The following SETD2 variants were observed in gnomAD, a reference collection of about 807,000 sequenced individuals.
The protein encoded by SETD2 is histone-lysine N-methyltransferase SETD2.
SETD2 carries 31 observed loss-of-function variants against 242.1 expected under a neutral mutation model. The ratio of observed to expected loss-of-function variants is 0.13; its 90% CI spans 0.10 to 0.17. The LOEUF (loss-of-function observed/expected upper bound fraction) is 0.17. Ranked by LOEUF, SETD2 falls within the 10% of genes least tolerant of loss-of-function variation. The pLI is 1.00. For missense variants in SETD2, 2,481 were observed against 3,046.3 expected (o/e 0.81, Z 4.37); for synonymous variants, 1,006 against 1,066.5 (o/e 0.94, Z 1.11).
chr3:47,078,700 G>A (rs2041201363), intron 12 of SETD2, among the ~76,000 whole-genome samples: 1 of 151,590 alleles, frequency 6.6e-6, no homozygotes, highest in African/African-American at 2.4e-5. Context: ...CAATATCCAG[G>A]GGCATCATAT....
rs1165214835 is a variant in SETD2 at position 47,121,004 on chromosome 3, T to C, written c.3632A>G (p.Asp1211Gly). The C allele has an allele frequency of 5.6e-6, 9 of 1,614,104 alleles. No individual in the cohort carries two copies. Among genetic ancestry groups the C allele is most frequent in the African/African-American group, 2.7e-5 (2 of 74,934 alleles). Residue 1211 changes from aspartate to glycine, a missense_variant, in exon 3 of 21, where the codon GAT becomes GGT. Around this residue, in one of 17 missense-constraint regions of SETD2, gnomAD observed 1,300 missense variants for 1,259.2 expected, o/e 1.03. Transcript: ENST00000409792. ...ELPIYSSDFE[D>G]VPNKSWQQTT... ...CTGTTGCCAAGACTTATTTGGGACA[T>C]CTTCAAAATCAGAAGAATAAATTGG...
In SETD2 at chr3:47,123,688, G is replaced by T; in HGVS notation, c.948C>A (p.Gly316=). ...CATCAGATTCTGAACCAAGAAAGAT[G>T]CCTTCAGATTGTGAGGATTTCTTCT... ...GSKKKSSQSE[G]IFLGSESDED... The change falls in exon 3 of 21, where the codon GGC becomes GGA. Residue 316 remains glycine (G), a synonymous_variant. Coordinates refer to ENST00000409792, the MANE Select transcript of SETD2 (RefSeq NM_014159.7). 6.4e-7 allele frequency: 1 copy of T among 1,551,222 alleles called. No individual in the cohort carries two copies. The highest frequency in any genetic ancestry group is 2.4e-5 in the East Asian group (1 of 40,906).
In SETD2 at chr3:47,080,175, T is replaced by G. The variant is rs149470529; in HGVS notation, c.6060+3545A>C. On this transcript the variant is annotated intron_variant, in intron 12 of 20. Transcript: ENST00000409792. ...TTCATAGAGAGTTTTAATACATAGCTTTCTAGGGAAATACTTGATTTGCTG... is the reference window on the plus strand; with the variant it reads ...TTCATAGAGAGTTTTAATACATAGCGTTCTAGGGAAATACTTGATTTGCTG... Among the ~76,000 whole-genome samples the G allele has an allele frequency of 2.0e-5, 3 of 152,340 alleles. No homozygotes were observed. In the East Asian group the frequency reaches 5.8e-4, roughly 29 times the overall value.
At chr3:47,081,177 CCT>C (rs1311864805) in intron 12 of SETD2, 1 of 687,730 alleles carries the variant, frequency 1.5e-6, no homozygotes, top group African/African-American at 1.9e-5. Flanking sequence ...TCCCTCCCAC[CCT>C]CTTTCATTTA....
At chr3:47,108,766 G>A (rs1370378966) in intron 5 of SETD2, among the ~76,000 whole-genome samples, 1 of 152,188 alleles carries the variant, frequency 6.6e-6, no homozygotes, top group Non-Finnish European at 1.5e-5. Flanking sequence ...TGTAGGAAGA[G>A]TGGCTAGACC....
In SETD2 at chr3:47,123,429, T is replaced by G; in HGVS notation, c.1207A>C (p.Ser403Arg). 1.3e-6 allele frequency: 2 copies of G among 1,551,642 alleles called. No homozygotes were observed. Among genetic ancestry groups the G allele is most frequent in the Non-Finnish European group, 8.7e-7 (1 of 1,146,972 alleles). ...RCRSERERRR[S>R]RSHSRSERGS... ...CTCTCAGACCTAGAGTGAGATCTGC[T>G]CCGCCGTCGCTCTCTTTCTGATCTA... Residue 403 changes from serine (S) to arginine (R), a missense_variant, in exon 3 of 21, where the codon AGC becomes CGC. By Grantham distance (110) the Ser-to-Arg change is moderately radical. This residue lies in a region of SETD2 where 1,300 missense variants were observed against 1,259.2 expected (regional missense o/e 1.03). Coordinates refer to ENST00000409792, the MANE Select transcript of SETD2 (RefSeq NM_014159.7).
chr3:47,126,262 T>C (rs1410129031), intron 2 of SETD2, among the ~76,000 whole-genome samples: 2 of 152,204 alleles, frequency 1.3e-5, no homozygotes, highest in East Asian at 3.8e-4. Context: ...CCTCAAGTGA[T>C]CCACCTGCCT....
At chr3:47,041,840 A>T (rs1343524890) in intron 17 of SETD2, among the ~76,000 whole-genome samples, 1 of 152,210 alleles carries the variant, frequency 6.6e-6, no homozygotes, top group Non-Finnish European at 1.5e-5. Context: ...AGGATAAACA[A>T]TCTAGCTATT....
intron 14 of SETD2, among the ~76,000 whole-genome samples, chr3:47,061,714 TA>T (rs1166094169): frequency 2.0e-5 from 3 of 152,210 alleles, no homozygotes; most frequent in Admixed American, 1.3e-4. Flanking sequence ...TAGCCTCCAG[TA>T]AACGATTACA....
intron 1 of SETD2, among the ~76,000 whole-genome samples, chr3:47,134,764 T>C (rs966383604): frequency 2.0e-5 from 3 of 152,046 alleles, no homozygotes. Context: ...GCTGGGATTA[T>C]AGGCATGTGC....
At chr3:47,086,902 T>C (rs571286969) in intron 10 of SETD2, among the ~76,000 whole-genome samples, 2 of 151,914 alleles carry the variant, frequency 1.3e-5, no homozygotes, top group African/African-American at 4.8e-5. Context: ...TAGCTGGATG[T>C]GGTGGTGTGT....
chr3:47,083,313 AGCT>A (rs2041395538), intron 12 of SETD2, among the ~76,000 whole-genome samples: 1 of 152,242 alleles, frequency 6.6e-6, no homozygotes, highest in South Asian at 2.1e-4. Flanking sequence ...ATTTTTAGTA[AGCT>A]GCTAAATTAT....
rs202016239 is a variant in SETD2, at chr3:47,123,284, G to A, written c.1352C>T (p.Thr451Ile). 3.9e-6 allele frequency: 6 copies of A among 1,552,100 alleles called. No individual in the cohort carries two copies. Among genetic ancestry groups the A allele is most frequent in the East Asian group, 4.9e-5 (2 of 40,916 alleles). Residue 451 changes from threonine (T) to isoleucine (I), a missense_variant, in exon 3 of 21, where the codon ACA becomes ATA. By Grantham distance (89) the Thr-to-Ile change is moderately conservative (BLOSUM62 -1). Around this residue, in one of 17 missense-constraint regions of SETD2, gnomAD observed 1,300 missense variants for 1,259.2 expected, o/e 1.03. Coordinates refer to ENST00000409792, the MANE Select transcript of SETD2 (RefSeq NM_014159.7). ...AGAACTCTCTCGTGCTCTGTTATCTGTGTATGGCCGAGAATAGCGCGTCCT... is the reference window on the plus strand; with the variant it reads ...AGAACTCTCTCGTGCTCTGTTATCTATGTATGGCCGAGAATAGCGCGTCCT... ...RERTRYSRPY[T>I]DNRARESSDS...
chr3:47,093,449 A>G (rs1486103353), intron 9 of SETD2, among the ~76,000 whole-genome samples: 3 of 151,794 alleles, frequency 2.0e-5, no homozygotes, highest in Non-Finnish European at 4.4e-5. Context: ...ACACTTGGCT[A>G]ATTTTTGTAT....
At chr3:47,037,884 A>C (rs1174086748) in intron 17 of SETD2, 107 bp from the exon 18 acceptor site, 1 of 777,842 alleles carries the variant, frequency 1.3e-6, no homozygotes, top group East Asian at 2.6e-5. Context: ...AATAAGACAT[A>C]GAATAAGTCA....
rs1006981047 is a variant in SETD2 at position 47,017,313 on chromosome 3, G to T, written c.7534-59C>A. ...CCAATCAGAGCAGAAATTATATGAG[G>T]GGGAGGACAGGGGTGGTAATCCAGC... On this transcript the variant is annotated intron_variant, in intron 20 of 20. Coordinates refer to ENST00000409792, the MANE Select transcript of SETD2 (RefSeq NM_014159.7). The surrounding 1 kb of genome is among the most constrained non-coding windows in gnomAD (Gnocchi z 4.8). The T allele has an allele frequency of 1.3e-6, 2 of 1,570,560 alleles. No individual in the cohort carries two copies. The highest frequency in any genetic ancestry group is 1.7e-6 in the Non-Finnish European group (2 of 1,148,386).
chr3:47,061,455 C>T (rs1221746631), intron 14 of SETD2, among the ~76,000 whole-genome samples: 2 of 151,936 alleles, frequency 1.3e-5, no homozygotes, highest in Non-Finnish European at 2.9e-5. Flanking sequence ...AGGGAAAGGA[C>T]AGCACATTTT....
rs773678867 is a variant in SETD2 at position 47,114,027 on chromosome 3, T to C, written c.4587-23A>G. 35 of 1,594,740 alleles carry C rather than the reference T, an allele frequency of 2.2e-5. No homozygotes were observed. In the Middle Eastern group the frequency reaches 5.1e-4, roughly 23 times the overall value. ...GAACTGAAATGAGAAAAGGAGGAAA[T>C]TTAATTCTTTAAAGCAGCAAAAGAA... On this transcript the variant is annotated intron_variant, in intron 4 of 20. Coordinates refer to ENST00000409792, the MANE Select transcript of SETD2 (RefSeq NM_014159.7).
chr3:47,020,558 G>T (rs1361846142), intron 18 of SETD2, among the ~76,000 whole-genome samples: 1 of 152,158 alleles, frequency 6.6e-6, no homozygotes, highest in East Asian at 1.9e-4. Context: ...ACTGCACCAG[G>T]AGGCGATGAG....
Sources: allele counts gnomAD v4.1 joint callset (sites outside exome capture counted in the v4.1 genomes callset), GRCh38; gene constraint gnomAD v4.1.1; regional missense constraint gnomAD v4.1.1; non-coding constraint Gnocchi (gnomAD v3.1); transcripts MANE v1.5; gene names NCBI Gene and HGNC (gene_info 2026-07-23, HGNC 2026-07-21).